Variants in TIMP2 observed in about 807,000 individuals in gnomAD.
TIMP2 encodes the protein metalloproteinase inhibitor 2.
In TIMP2, 5 loss-of-function variants were observed where a neutral mutation model predicts 24.3. That is an observed-to-expected ratio of 0.21 (90% CI 0.11 to 0.43). TIMP2 has a LOEUF of 0.43. Among genes scored for constraint, TIMP2 ranks in the 20% least tolerant of loss-of-function variants. The probability of loss-of-function intolerance (pLI) is 1.00; values close to 1 mark genes in which losing one functional copy is unlikely to be tolerated. For missense variants in TIMP2, 221 were observed against 297.5 expected (o/e 0.74, Z 1.89); for synonymous variants, 130 against 123.2 (o/e 1.06, Z -0.37).
chr17:78,909,588 T>C (rs1381153938), intron 1 of TIMP2, among the ~76,000 whole-genome samples: 1 of 121,422 alleles, frequency 8.2e-6, no homozygotes, highest in Non-Finnish European at 1.8e-5. Flanking sequence ...GACCCCCAGC[T>C]GCCCGTGTGA....
chr17:78,919,617 G>C (rs754993428), intron 1 of TIMP2, among the ~76,000 whole-genome samples: 1 of 152,142 alleles, frequency 6.6e-6, no homozygotes, highest in Non-Finnish European at 1.5e-5. Context: ...GGCGGATCAC[G>C]AGGTCAGGAG....
chr17:78,894,835 G>A (rs1265320166), intron 1 of TIMP2, among the ~76,000 whole-genome samples: 2 of 152,058 alleles, frequency 1.3e-5, no homozygotes, highest in Non-Finnish European at 2.9e-5. Context: ...AAAAACCTTT[G>A]TGCTTCAAAA....
chr17:78,905,393 G>A (rs906186027), intron 1 of TIMP2, among the ~76,000 whole-genome samples: 2 of 152,230 alleles, frequency 1.3e-5, no homozygotes, highest in Non-Finnish European at 2.9e-5. Flanking sequence ...GCAGCTGGAT[G>A]GAGCCTATTG....
chr17:78,864,258 C>T (rs1391922240), intron 3 of TIMP2, among the ~76,000 whole-genome samples: 1 of 148,322 alleles, frequency 6.7e-6, no homozygotes, highest in Non-Finnish European at 1.5e-5. Flanking sequence ...TCTCTTCTTT[C>T]CTTCCTTCCT....
chr17:78,862,538 C>T (rs1401362449), intron 3 of TIMP2, among the ~76,000 whole-genome samples: 2 of 152,222 alleles, frequency 1.3e-5, no homozygotes, highest in Non-Finnish European at 2.9e-5. Flanking sequence ...GCCAGCTGGC[C>T]ACTGGGCAGG....
chr17:78,924,424 T>C lies in TIMP2; in HGVS notation c.130+535A>G, dbSNP rs541964975. Among the ~76,000 whole-genome samples the C allele has an allele frequency of 6.6e-6, 1 of 152,334 alleles. No individual in the cohort carries two copies. Among genetic ancestry groups the C allele is most frequent in the African/African-American group, 2.4e-5 (1 of 41,586 alleles). ...CCTGCCCCTCTGGGCCTGTGGAACC[T>C]GCCTCGGGTAGGGCGGGCTTCCATC... On this transcript the variant is annotated intron_variant, in intron 1 of 4. Transcript: ENST00000262768. This position sits in a 1 kb window ranked among gnomAD's most constrained non-coding sequence, Gnocchi z 5.3.
At chr17:78,862,961 T>A (rs545906543) in intron 3 of TIMP2, among the ~76,000 whole-genome samples, 1 of 152,248 alleles carries the variant, frequency 6.6e-6, no homozygotes, top group African/African-American at 2.4e-5. Context: ...CAAGTCACCA[T>A]TGATGAGCAC....
At chr17:78,903,637 G>T (rs970198159) in intron 1 of TIMP2, among the ~76,000 whole-genome samples, 3 of 152,142 alleles carry the variant, frequency 2.0e-5, no homozygotes, top group Non-Finnish European at 4.4e-5. Flanking sequence ...CACTGGAGGC[G>T]GGGGAAGAAA....
chr17:78,869,637 C>A (rs2069656038), intron 3 of TIMP2, among the ~76,000 whole-genome samples: 1 of 151,750 alleles, frequency 6.6e-6, no homozygotes, highest in South Asian at 2.1e-4. Flanking sequence ...GTGGTGAAAC[C>A]CTGTCTGTAC....
intron 1 of TIMP2, among the ~76,000 whole-genome samples, chr17:78,895,058 A>T (rs1420443004): frequency 2.6e-5 from 4 of 152,142 alleles, no homozygotes; most frequent in Admixed American, 2.0e-4. Context: ...AGGCGGGCGG[A>T]TCACTTGAGG....
At position 78,914,622 on chromosome 17, in the gene TIMP2, G is replaced by T. The variant is rs1319806819; in HGVS notation, c.130+10337C>A. On this transcript the variant is annotated intron_variant, in intron 1 of 4. Transcript: ENST00000262768. ...TTCTTTATAGACAGAGTCTTGCTCT[G>T]TCCCCCAGGCTGGTACAACCATAGC... Among the ~76,000 whole-genome samples, 3 of 151,576 alleles carry T rather than the reference G, an allele frequency of 2.0e-5. No homozygotes were observed. The East Asian group carries it at 5.8e-4, about 29-fold the overall frequency.
chr17:78,892,267 C>T lies in TIMP2; in HGVS notation c.131-18348G>A, dbSNP rs1272814833. On this transcript the variant is annotated intron_variant, in intron 1 of 4. Transcript: ENST00000262768. ...TGCCCCGGGCTTGTAGCAATTTGTG[C>T]TTTTTCCTCCAAAGCAGGTCTTCGT... The T allele has an allele frequency of 2.6e-6, 4 of 1,550,814 alleles. 1 individual carries two copies. Among genetic ancestry groups the T allele is most frequent in the Middle Eastern group, 3.3e-4 (2 of 5,992 alleles).
intron 1 of TIMP2, among the ~76,000 whole-genome samples, chr17:78,908,116 C>CA (rs1383991925): frequency 1.3e-5 from 2 of 152,070 alleles, no homozygotes; most frequent in South Asian, 4.2e-4. Flanking sequence ...GCCTGGGTGA[C>CA]AAAGCGAGAC....
At chr17:78,893,756 G>A (rs2069955885) in intron 1 of TIMP2, among the ~76,000 whole-genome samples, 1 of 152,050 alleles carries the variant, frequency 6.6e-6, no homozygotes, top group African/African-American at 2.4e-5. Context: ...ATGACTCCCA[G>A]CTCTTTCCTT....
Position 78,891,164 on chromosome 17 carries a change from C to T in TIMP2, c.131-17245G>A. 1 of 1,550,666 alleles carries T rather than the reference C, an allele frequency of 6.4e-7. No homozygotes were observed. The highest frequency in any genetic ancestry group is 1.2e-5 in the South Asian group (1 of 84,066). On this transcript the variant is annotated intron_variant, in intron 1 of 4. Transcript: ENST00000262768. The surrounding 1 kb of genome is among the most constrained non-coding windows in gnomAD (Gnocchi z 4.5). The stretch of plus-strand genomic sequence containing the variant: ...ACCTGCCTCGGGAGACAATGTTTGA[C>T]TTCCATTTCTAAACGTGGGCTTGAC...
rs1432432027 is a variant in TIMP2 at position 78,896,446 on chromosome 17, T to C, written c.131-22527A>G. 6.6e-6 allele frequency among the ~76,000 whole-genome samples: 1 copy of C among 152,132 alleles called. No individual in the cohort carries two copies. Among genetic ancestry groups the C allele is most frequent in the Non-Finnish European group, 1.5e-5 (1 of 68,008 alleles). On this transcript the variant is annotated intron_variant, in intron 1 of 4. Transcript: ENST00000262768. This position sits in a 1 kb window ranked among gnomAD's most constrained non-coding sequence, Gnocchi z 4.4. ...GGACACTTGCCAATGAAGACAGCCA[T>C]GGTTCCAATCAGGGCCCTCGCTACA...
chr17:78,921,419 G>C (rs1378195109), intron 1 of TIMP2, among the ~76,000 whole-genome samples: 1 of 152,232 alleles, frequency 6.6e-6, no homozygotes, highest in Non-Finnish European at 1.5e-5. Flanking sequence ...TGCCACCCAA[G>C]CCAGAGGAGA....
chr17:78,890,455 C>G, intron 1 of TIMP2: 1 of 647,546 alleles, frequency 1.5e-6, no homozygotes, highest in Non-Finnish European at 2.5e-6. Flanking sequence ...TGAGGCCGAC[C>G]TCGGCCTCCC....
At chr17:78,892,502 C>T in intron 1 of TIMP2, 5 of 1,507,622 alleles carry the variant, frequency 3.3e-6, no homozygotes, top group Non-Finnish European at 4.4e-6. Context: ...AGATCGCTCC[C>T]AGGAGAGTGA....
Sources: allele counts gnomAD v4.1 joint callset (sites outside exome capture counted in the v4.1 genomes callset), GRCh38; gene constraint gnomAD v4.1.1; non-coding constraint Gnocchi (gnomAD v3.1); transcripts MANE v1.5; gene names NCBI Gene and HGNC (gene_info 2026-07-23, HGNC 2026-07-21).